FOXN3: variants seen among roughly 807,000 people sequenced by gnomAD.
The protein encoded by FOXN3 is forkhead box protein N3.
Under a neutral mutation model 38.4 loss-of-function variants are expected in FOXN3, and 7 were observed. That is an observed-to-expected ratio of 0.18 (90% CI 0.10 to 0.34). The LOEUF (loss-of-function observed/expected upper bound fraction) is 0.34, where lower values mean the gene tolerates loss of function less well. FOXN3 is among the 10% of genes least tolerant of loss of function. The pLI, the probability that FOXN3 is intolerant of heterozygous loss-of-function variation, is 1.00. For missense variants in FOXN3, 456 were observed against 613.4 expected (o/e 0.74, Z 2.71); for synonymous variants, 230 against 242.2 (o/e 0.95, Z 0.47).
chr14:89,176,098 C>T (rs916771466), intron 5 of FOXN3, among the ~76,000 whole-genome samples: 3 of 152,088 alleles, frequency 2.0e-5, no homozygotes, highest in Non-Finnish European at 2.9e-5. Flanking sequence ...GACTTGACGC[C>T]CAGGCAAATT....
intron 1 of FOXN3, among the ~76,000 whole-genome samples, chr14:89,569,533 G>A (rs10438035): frequency 0.059 from 8,987 of 152,192 alleles, 619 homozygotes; most frequent in African/African-American, 0.15. Context: ...TGGCTACTTT[G>A]GAGGTCTACC....
intron 5 of FOXN3, among the ~76,000 whole-genome samples, chr14:89,173,325 T>A (rs1887438596): frequency 1.3e-5 from 2 of 152,252 alleles, no homozygotes; most frequent in Non-Finnish European, 2.9e-5. Context: ...TGTGTGAAGA[T>A]GTGGAGGACT....
intron 2 of FOXN3, among the ~76,000 whole-genome samples, chr14:89,402,074 A>G (rs1394031762): frequency 6.6e-6 from 1 of 152,164 alleles, no homozygotes; most frequent in Non-Finnish European, 1.5e-5. Context: ...CCATCAAGTT[A>G]TTACTAAAAG....
intron 1 of FOXN3, among the ~76,000 whole-genome samples, chr14:89,612,516 C>T (rs1421922891): frequency 6.6e-6 from 1 of 152,158 alleles, no homozygotes; most frequent in Non-Finnish European, 1.5e-5. Flanking sequence ...CTTAAACTGG[C>T]TGGGTGTGGT....
chr14:89,438,987 A>G (rs986957510), intron 1 of FOXN3, among the ~76,000 whole-genome samples: 1 of 151,720 alleles, frequency 6.6e-6, no homozygotes, highest in Admixed American at 6.6e-5. Flanking sequence ...CGAACTCCCA[A>G]CCTCAGGTGG....
rs1193204216 is a variant in FOXN3, at chr14:89,429,723, C to T, written c.-14-17233G>A. ...CAACTGCCAAACTGTCATTTTGCTC[C>T]GCGGCTGAACAGAAGGCTCGAGTAA... On this transcript the variant is annotated intron_variant, in intron 1 of 6. Transcript: ENST00000345097. 2.0e-5 allele frequency among the ~76,000 whole-genome samples: 3 copies of T among 152,226 alleles called. No individual in the cohort carries two copies. In the East Asian group the frequency reaches 5.8e-4, roughly 29 times the overall value.
intron 1 of FOXN3, among the ~76,000 whole-genome samples, chr14:89,443,822 C>T (rs185603123): frequency 6.6e-6 from 1 of 152,070 alleles, no homozygotes; most frequent in Non-Finnish European, 1.5e-5. Flanking sequence ...CCAGCCTGAC[C>T]AACATGGAGC....
At chr14:89,348,227 G>A (rs531099430) in intron 3 of FOXN3, among the ~76,000 whole-genome samples, 10 of 152,096 alleles carry the variant, frequency 6.6e-5, no homozygotes, top group East Asian at 1.9e-4. Flanking sequence ...CCCTCACAGC[G>A]ATCCAGCAAG....
chr14:89,248,265 A>T (rs1461440826), intron 4 of FOXN3, among the ~76,000 whole-genome samples: 2 of 152,238 alleles, frequency 1.3e-5, no homozygotes, highest in African/African-American at 4.8e-5. Context: ...TAATCCAGCG[A>T]CTGATATAAA....
chr14:89,424,482 G>C (rs1334504309), intron 1 of FOXN3, among the ~76,000 whole-genome samples: 1 of 152,146 alleles, frequency 6.6e-6, no homozygotes, highest in Non-Finnish European at 1.5e-5. Context: ...TTGTCTGGCC[G>C]TGGGAAGTCT....
chr14:89,204,878 T>G (rs1426476231), intron 4 of FOXN3, among the ~76,000 whole-genome samples: 1 of 149,212 alleles, frequency 6.7e-6, no homozygotes, highest in Non-Finnish European at 1.5e-5. Flanking sequence ...GAACAAAAGA[T>G]ATCGTTATGC....
rs979974459 is a variant in FOXN3, at chr14:89,505,323, G to T, written c.-14-92833C>A. On this transcript the variant is annotated intron_variant, in intron 1 of 6. Transcript: ENST00000345097. ...CTCCCCACGGTCTCCCTCTGATGCC[G>T]AGCCGAGGCTGGACTGTGCTGCTGC... is the stretch of plus-strand genomic sequence containing the variant. Among the ~76,000 whole-genome samples, 14 of 126,816 alleles carry T rather than the reference G, an allele frequency of 1.1e-4. No homozygotes were observed. The East Asian group carries it at 1.7e-3, about 15-fold the overall frequency. 83.2% of individuals were successfully genotyped at this position (126,816 alleles called of 152,430 possible). A position where few individuals can be genotyped will look rare whatever the true frequency, so the allele number is the denominator to read the frequency against.
chr14:89,412,117 G>T lies in FOXN3; in HGVS notation c.360C>A (p.Ser120Arg). ...NPNCKPPYSF[S>R]CLIFMAIEDS... Reference sequence around the variant, plus strand: ...CCTCGATGGCCATAAATATGAGGCAGCTGAAGGAGTAGGGGGGTTTGCAGT... The same window carrying T: ...CCTCGATGGCCATAAATATGAGGCATCTGAAGGAGTAGGGGGGTTTGCAGT... Residue 120 changes from serine (S) to arginine (R), a missense_variant, in exon 2 of 6, where the codon AGC (serine) becomes AGA (arginine). Coordinates refer to ENST00000557258, the MANE Select transcript of FOXN3 (RefSeq NM_005197.4). This position sits in a 1 kb window ranked among gnomAD's most constrained non-coding sequence, Gnocchi z 4.7. The T allele has an allele frequency of 6.2e-7, 1 of 1,612,114 alleles. No homozygotes were observed. Among genetic ancestry groups the T allele is most frequent in the Middle Eastern group, 1.7e-4 (1 of 6,046 alleles).
intron 1 of FOXN3, among the ~76,000 whole-genome samples, chr14:89,416,628 T>A (rs939153098): frequency 6.6e-6 from 1 of 151,972 alleles, no homozygotes; most frequent in African/African-American, 2.4e-5. Context: ...CTTGCGGGCG[T>A]CTTTTCGGAA....
At chr14:89,223,810 C>A (rs1183761639) in intron 4 of FOXN3, among the ~76,000 whole-genome samples, 2 of 152,106 alleles carry the variant, frequency 1.3e-5, no homozygotes, top group Non-Finnish European at 2.9e-5. Context: ...TCTTTTACCC[C>A]CAGGAACATT....
chr14:89,305,325 T>C (rs1312757321), intron 3 of FOXN3, among the ~76,000 whole-genome samples: 1 of 152,254 alleles, frequency 6.6e-6, no homozygotes, highest in East Asian at 1.9e-4. Context: ...AGATTCATCT[T>C]AAGAGCCCTT....
intron 4 of FOXN3, among the ~76,000 whole-genome samples, chr14:89,213,710 C>T (rs942075845): frequency 2.6e-5 from 4 of 152,186 alleles, no homozygotes; most frequent in Admixed American, 2.0e-4. Flanking sequence ...GTGGAAAATA[C>T]TGAAGAGAGG....
intron 1 of FOXN3, among the ~76,000 whole-genome samples, chr14:89,528,360 C>T (rs1162733777): frequency 7.7e-6 from 1 of 129,758 alleles, no homozygotes; most frequent in Non-Finnish European, 1.6e-5. Flanking sequence ...TTCATCCATA[C>T]TCAACATGGA....
intron 2 of FOXN3, among the ~76,000 whole-genome samples, chr14:89,404,151 T>C (rs577494490): frequency 1.6e-4 from 25 of 152,126 alleles, no homozygotes; most frequent in African/African-American, 3.9e-4. Flanking sequence ...ACAACGGAAA[T>C]GTGCCCCCAC....
Sources: allele counts gnomAD v4.1 joint callset (sites outside exome capture counted in the v4.1 genomes callset), GRCh38; gene constraint gnomAD v4.1.1; non-coding constraint Gnocchi (gnomAD v3.1); transcripts MANE v1.5; gene names NCBI Gene and HGNC (gene_info 2026-07-23, HGNC 2026-07-21).